Variants in TMEM232 observed in about 807,000 individuals in gnomAD.
TMEM232 encodes transmembrane protein 232.
In TMEM232, 80 loss-of-function variants were observed where a neutral mutation model predicts 78.8. The ratio of observed to expected loss-of-function variants is 1.01; its 90% CI spans 0.85 to 1.22. The LOEUF (loss-of-function observed/expected upper bound fraction) is 1.22. Among genes scored for constraint, TMEM232 ranks in the 50% most tolerant of loss-of-function variants. The pLI, the probability that TMEM232 is intolerant of heterozygous loss-of-function variation, is 0.00. For missense variants in TMEM232, 881 were observed against 742.2 expected, an observed-to-expected ratio of 1.19 and a Z score of -2.17; for synonymous variants, 297 against 254.3, an observed-to-expected ratio of 1.17 and a Z score of -1.60.
intron 10 of TMEM232, among the ~76,000 whole-genome samples, 168 bp downstream of exon 10, chr5:110,604,941 G>A (rs1781357583): frequency 6.6e-6 from 1 of 152,096 alleles, no homozygotes; most frequent in Non-Finnish European, 1.5e-5. Flanking sequence ...GGGTGACAGA[G>A]TGACACCTGG....
chr5:110,569,672 T>C (rs1776719571), intron 10 of TMEM232, among the ~76,000 whole-genome samples: 1 of 151,916 alleles, frequency 6.6e-6, no homozygotes, highest in Admixed American at 6.6e-5. Flanking sequence ...ATCCTCAACT[T>C]TTCCAAATGA....
intron 12 of TMEM232, among the ~76,000 whole-genome samples, chr5:110,456,948 C>A (rs1324523360): frequency 6.6e-6 from 1 of 151,990 alleles, no homozygotes; most frequent in Admixed American, 6.6e-5. Flanking sequence ...GAATAAAATT[C>A]TTTTTGGGTT....
chr5:110,444,902 T>C (rs1304368898), intron 12 of TMEM232, among the ~76,000 whole-genome samples: 3 of 152,138 alleles, frequency 2.0e-5, no homozygotes, highest in Non-Finnish European at 2.9e-5. Flanking sequence ...ATCTTCTTTT[T>C]CCCATTTTCC....
chr5:110,412,681 A>T (rs540304854), intron 2 of TMEM232, among the ~76,000 whole-genome samples: 7 of 152,096 alleles, frequency 4.6e-5, no homozygotes, highest in Non-Finnish European at 8.8e-5. Flanking sequence ...CAGACCCCTG[A>T]CTTGGTTTTA....
chr5:110,620,577 ATCTC>A (rs66736608), intron 7 of TMEM232, among the ~76,000 whole-genome samples: 1,136 of 43,032 alleles, frequency 0.026, 52 homozygotes, highest in Middle Eastern at 0.075. Flanking sequence ...TGTCTCTCAT[ATCTC>A]TCTCTCTCTC....
intron 13 of TMEM232, among the ~76,000 whole-genome samples, chr5:110,421,379 C>G (rs1374195732): frequency 6.6e-6 from 1 of 150,966 alleles, no homozygotes; most frequent in Non-Finnish European, 1.5e-5. Context: ...ATGAGTAACA[C>G]GTAAGTAATG....
rs141506900 is a variant in TMEM232, at chr5:110,733,303, A to C, written c.-13+1600T>G. On this transcript the variant is annotated intron_variant, in intron 2 of 4. Transcript: ENST00000512886. Reference sequence around the variant, plus strand: ...AGTGCGTTGGTTCCTCAAAGAGCCAAAATCAGAACTACCACTTGACCCAGA... The same window carrying C: ...AGTGCGTTGGTTCCTCAAAGAGCCACAATCAGAACTACCACTTGACCCAGA... Among the ~76,000 whole-genome samples the C allele has an allele frequency of 3.3e-4, 50 of 152,334 alleles. No individual in the cohort carries two copies. The East Asian group carries it at 9.2e-3, about 28-fold the overall frequency.
At chr5:110,578,263 TTATAAG>T (rs1478545436) in intron 10 of TMEM232, among the ~76,000 whole-genome samples, 6 of 151,878 alleles carry the variant, frequency 4.0e-5, no homozygotes, top group Non-Finnish European at 8.8e-5. Flanking sequence ...GGAATAATAA[TTATAAG>T]TAGATAATTC....
At chr5:110,433,886 T>C (rs1033617077) in intron 12 of TMEM232, among the ~76,000 whole-genome samples, 1 of 152,114 alleles carries the variant, frequency 6.6e-6, no homozygotes, top group Non-Finnish European at 1.5e-5. Flanking sequence ...TTTGCTAGTA[T>C]TCTGCTGAGG....
At chr5:110,676,755 ATT>A (rs1203713324) in intron 1 of TMEM232, among the ~76,000 whole-genome samples, 1 of 146,712 alleles carries the variant, frequency 6.8e-6, no homozygotes, top group African/African-American at 2.5e-5. Flanking sequence ...TTATTTATTT[ATT>A]TATTTATTTA....
chr5:110,710,087 A>C (rs1364568340), intron 1 of TMEM232, among the ~76,000 whole-genome samples: 1 of 152,130 alleles, frequency 6.6e-6, no homozygotes, highest in African/African-American at 2.4e-5. Flanking sequence ...GAGACATTGC[A>C]ATAGATACCG....
intron 11 of TMEM232, among the ~76,000 whole-genome samples, chr5:110,553,142 T>A (rs1774665127): frequency 6.6e-6 from 1 of 152,174 alleles, no homozygotes; most frequent in African/African-American, 2.4e-5. Context: ...ACTGTAGCCT[T>A]GTAGTATAGT....
intron 1 of TMEM232, among the ~76,000 whole-genome samples, chr5:110,673,044 G>T (rs1248542241): frequency 6.6e-6 from 1 of 152,048 alleles, no homozygotes; most frequent in African/African-American, 2.4e-5. Context: ...CAAAGACTTG[G>T]AACCAACCCA....
At chr5:110,431,810 T>C (rs1757886689) in intron 12 of TMEM232, among the ~76,000 whole-genome samples, 3 of 151,414 alleles carry the variant, frequency 2.0e-5, no homozygotes, top group African/African-American at 4.8e-5. Context: ...AATTGGAAGA[T>C]AGGGAAACAG....
At chr5:110,433,180 T>G (rs1478047592) in intron 12 of TMEM232, among the ~76,000 whole-genome samples, 1 of 151,836 alleles carries the variant, frequency 6.6e-6, no homozygotes, top group African/African-American at 2.4e-5. Context: ...AGAATAGACA[T>G]GCTTCTGATC....
At chr5:110,542,335 A>G (rs1190586977) in intron 11 of TMEM232, among the ~76,000 whole-genome samples, 1 of 152,172 alleles carries the variant, frequency 6.6e-6, no homozygotes, top group Non-Finnish European at 1.5e-5. Context: ...ATTCAGTTAT[A>G]TAACAAACAT....
chr5:110,620,566 A>G (rs1783501406), intron 7 of TMEM232, among the ~76,000 whole-genome samples: 1 of 120,746 alleles, frequency 8.3e-6, no homozygotes, highest in African/African-American at 3.2e-5. Flanking sequence ...TCCTTGTGGT[A>G]TGTCTCTCAT....
chr5:110,422,228 C>A (rs896447588), intron 13 of TMEM232, among the ~76,000 whole-genome samples: 1 of 152,056 alleles, frequency 6.6e-6, no homozygotes, highest in Non-Finnish European at 1.5e-5. Flanking sequence ...CGATAGATCT[C>A]ATTATTTTGT....
intron 12 of TMEM232, among the ~76,000 whole-genome samples, chr5:110,461,079 G>A (rs1303186093): frequency 6.6e-6 from 1 of 151,994 alleles, no homozygotes; most frequent in Non-Finnish European, 1.5e-5. Flanking sequence ...AGAGTCACAT[G>A]TCTCTCCCTT....
Sources: allele counts gnomAD v4.1 joint callset (sites outside exome capture counted in the v4.1 genomes callset), GRCh38; gene constraint gnomAD v4.1.1; transcripts MANE v1.5; gene names NCBI Gene and HGNC (gene_info 2026-07-23, HGNC 2026-07-21).